SMC1A: variants seen among roughly 807,000 people sequenced by gnomAD.
SMC1A encodes structural maintenance of chromosomes 1A.
SMC1A carries 4 observed loss-of-function variants against 94.5 expected under a neutral mutation model. The ratio of observed to expected loss-of-function variants is 0.04; its 90% CI spans 0.02 to 0.10. SMC1A has a LOEUF of 0.10. Ranked by LOEUF, SMC1A falls within the 10% of genes least tolerant of loss-of-function variation. The pLI, the probability that SMC1A is intolerant of heterozygous loss-of-function variation, is 1.00. For synonymous variants in SMC1A, 345 were observed against 347.7 expected, an observed-to-expected ratio of 0.99 and a Z score of 0.09; for missense variants, 304 against 989.0, an observed-to-expected ratio of 0.31 and a Z score of 9.29.
chrX:53,401,648 G>A (rs1024302116), intron 15 of SMC1A, among the ~76,000 whole-genome samples: 1 of 110,863 alleles, frequency 9.0e-6, no homozygotes, highest in Non-Finnish European at 1.9e-5. Flanking sequence ...GAATGACACT[G>A]AATGTGTATC....
At chrX:53,422,471 C>T in intron 1 of SMC1A, 21 bp downstream of exon 1, 1 of 1,065,254 alleles carries the variant, frequency 9.4e-7, no homozygotes, top group Non-Finnish European at 1.3e-6. Context: ...GTGCGCAGGG[C>T]CGCGGCCAGG....
rs781957759 is a variant in SMC1A, at chrX:53,405,939, G to A, written c.1563C>T (p.Asp521=). The A allele has an allele frequency of 1.2e-5, 15 of 1,209,713 alleles. No homozygotes were observed. The highest frequency in any genetic ancestry group is 1.8e-5 in the South Asian group (1 of 56,809). ...YPGSVYGRLI[D]LCQPTQKKYQ... is the part of the protein sequence containing the mutation. ...ACTTCTTTTGTGTGGGCTGGCATAG[G>A]TCAATGAGGCGGCCGTACTGAGTAA... is the stretch of plus-strand genomic sequence containing the variant. Residue 521 remains aspartate, a synonymous_variant, in exon 10 of 25, where the codon GAC becomes GAT. Transcript: ENST00000322213.
Position 53,405,040 on chromosome X carries a change from T to C in SMC1A, c.2168A>G (p.Lys723Arg), listed in dbSNP as rs782408107. The C allele has an allele frequency of 8.3e-7, 1 of 1,202,768 alleles. No homozygotes were observed. The highest frequency in any genetic ancestry group is 1.8e-5 in the South Asian group (1 of 55,463). Residue 723 changes from lysine to arginine, a missense_variant, in exon 13 of 25, where the codon AAG becomes AGG. By Grantham distance (26) the Lys-to-Arg change is conservative. Coordinates refer to ENST00000322213, the MANE Select transcript of SMC1A (RefSeq NM_006306.4). ...CAGATTCAGGGCTAGATGTCGTGTC[T>C]TGGTCTGTTCTAGGTCACTCTGGGA... The part of the protein sequence containing the change: ...KYSQSDLEQT[K>R]TRHLALNLQE...
chrX:53,381,444 G>A (rs1429230363), intron 22 of SMC1A, among the ~76,000 whole-genome samples: 3 of 111,648 alleles, frequency 2.7e-5, no homozygotes, highest in Non-Finnish European at 5.6e-5. Flanking sequence ...GCTTTGTCAT[G>A]CCTCCTTGCC....
rs782671917 is a variant in SMC1A at position 53,405,287 on chromosome X, G to A, written c.2016C>T (p.Asp672=). Residue 672 remains aspartate (D), a synonymous_variant, in exon 12 of 25, where the codon GAC becomes GAT. Transcript: ENST00000322213. ...KARRWDEKAV[D]KLKEKKERLT... ...AGCGCTCCTTCTTCTCTTTCAACTT[G>A]TCTACTGCTTTCTCATCCCAGCGCC... 36 of 1,210,334 alleles carry A rather than the reference G, an allele frequency of 3.0e-5. No individual in the cohort carries two copies. The highest frequency in any genetic ancestry group is 3.8e-5 in the Non-Finnish European group (34 of 895,324).
At position 53,382,710 on chromosome X, in the gene SMC1A, C is replaced by T. The variant is rs1328025818; in HGVS notation, c.3131-50G>A. 4.2e-6 allele frequency: 5 copies of T among 1,178,514 alleles called. No individual in the cohort carries two copies. In the South Asian group the frequency reaches 5.4e-5, roughly 13 times the overall value. ...CCCTCAGTGCCCTGGCAAGAAGGAC[C>T]TGCAAATGACAATCCAGAGCAGGAA... On this transcript the variant is annotated intron_variant, in intron 20 of 24. Transcript: ENST00000322213.
chrX:53,416,634 C>T (rs1556891332), intron 1 of SMC1A, among the ~76,000 whole-genome samples: 1 of 110,711 alleles, frequency 9.0e-6, no homozygotes, highest in African/African-American at 3.3e-5. Context: ...TTGTGATTCG[C>T]CCACCTCGGC....
At chrX:53,382,986 TTAAG>T in intron 20 of SMC1A, 107 bp downstream of exon 20, 1 of 814,412 alleles carries the variant, frequency 1.2e-6, no homozygotes, top group Non-Finnish European at 1.8e-6. Context: ...CCTGAGAGTT[TTAAG>T]TAAGAAAACA....
chrX:53,381,062 G>A lies in SMC1A; in HGVS notation c.3463C>T (p.Leu1155=), dbSNP rs781977704. The change falls in exon 23 of 25, where the codon CTG becomes TTG. Residue 1155 remains leucine, a synonymous_variant. Coordinates refer to ENST00000322213, the MANE Select transcript of SMC1A (RefSeq NM_006306.4). ...TCCAAGGCAGCATCAATCTCATCCAGGACGAAGAAGGGGGCTGGCTTGTAG... is the reference window on the plus strand; with the variant it reads ...TCCAAGGCAGCATCAATCTCATCCAAGACGAAGAAGGGGGCTGGCTTGTAG... The part of the protein sequence containing the change: ...HSYKPAPFFV[L]DEIDAALDNT... 1.7e-6 allele frequency: 2 copies of A among 1,206,172 alleles called. No homozygotes were observed. The highest frequency in any genetic ancestry group is 4.4e-5 in the Admixed American group (2 of 45,587).
At position 53,396,595 on chromosome X, in the gene SMC1A, A is replaced by G. The variant is rs782302182; in HGVS notation, c.2585T>C (p.Ile862Thr). 1.7e-6 allele frequency: 2 copies of G among 1,209,525 alleles called. No individual in the cohort carries two copies. Among genetic ancestry groups the G allele is most frequent in the Non-Finnish European group, 2.2e-6 (2 of 895,196 alleles). Residue 862 changes from isoleucine (I) to threonine (T), a missense_variant, in exon 17 of 25, where the codon ATC becomes ACC. Physicochemically the swap from Ile to Thr is moderately conservative, Grantham distance 89. Transcript: ENST00000322213. ...TAGCTGAGCCATGGTCTCATCTATG[A>G]TCTTCATGTGTCTTTGTTCCTCCTG... is the stretch of plus-strand genomic sequence containing the variant. ...LKKEEQRHMK[I>T]IDETMAQLQD... is the part of the protein sequence containing the mutation.
intron 22 of SMC1A, chrX:53,381,880 G>GCAT: frequency 3.2e-6 from 1 of 312,326 alleles, no homozygotes; most frequent in Non-Finnish European, 5.8e-6. Context: ...GATCAAGGAG[G>GCAT]GCTTCCTAAA....
intron 16 of SMC1A, among the ~76,000 whole-genome samples, chrX:53,396,999 T>C (rs1347128772): frequency 9.0e-6 from 1 of 111,585 alleles, no homozygotes; most frequent in Non-Finnish European, 1.9e-5. Context: ...CTTAATGTTA[T>C]ATTTGAGCAT....
intron 18 of SMC1A, 27 bp from the exon 19 acceptor site, chrX:53,394,915 G>A: frequency 1.1e-6 from 1 of 931,271 alleles, no homozygotes; most frequent in Non-Finnish European, 1.6e-6. Flanking sequence ...GAGTCAAGTG[G>A]AGCAGACTGG....
At chrX:53,401,135 AC>A in intron 15 of SMC1A, among the ~76,000 whole-genome samples, 1 of 110,415 alleles carries the variant, frequency 9.1e-6, no homozygotes, top group East Asian at 2.9e-4. Context: ...TCCAGTCATC[AC>A]TCCCTGTTTT....
At chrX:53,415,804 G>A (rs1476503921) in intron 1 of SMC1A, among the ~76,000 whole-genome samples, 2 of 96,767 alleles carry the variant, frequency 2.1e-5, no homozygotes, top group African/African-American at 3.9e-5. Flanking sequence ...CTGCACTCCA[G>A]CCTGGGTGAC....
intron 18 of SMC1A, 135 bp downstream of exon 18, chrX:53,396,092 T>C: frequency 2.6e-6 from 2 of 758,163 alleles, no homozygotes; most frequent in Admixed American, 2.2e-5. Context: ...TCATTTCTGC[T>C]GCATCCCTTT....
intron 16 of SMC1A, 77 bp downstream of exon 16, chrX:53,399,512 T>C: frequency 2.0e-6 from 2 of 996,465 alleles, no homozygotes; most frequent in Non-Finnish European, 2.8e-6. Flanking sequence ...TTGTGGACAT[T>C]ATCCTTCTGT....
chrX:53,382,557 A>T lies in SMC1A; in HGVS notation c.3234T>A (p.Ala1078=), dbSNP rs782339534. The T allele has an allele frequency of 9.1e-6, 11 of 1,209,564 alleles. No homozygotes were observed. In the East Asian group the frequency reaches 3.3e-4, roughly 36 times the overall value. The change falls in exon 21 of 25, where the codon GCT becomes GCA. Residue 1078 remains alanine, a synonymous_variant. Transcript: ENST00000322213. ...DRFNACFESV[A]TNIDEIYKAL... ...CCTTATAGATCTCATCAATGTTGGT[A>T]GCCACAGATTCAAAACAAGCATTGA...
chrX:53,410,356 C>T (rs887511828), intron 7 of SMC1A, among the ~76,000 whole-genome samples: 8 of 109,413 alleles, frequency 7.3e-5, no homozygotes, highest in African/African-American at 2.0e-4. Context: ...ATTAGGAGGC[C>T]GAGGCGGGCG....
Sources: allele counts gnomAD v4.1 joint callset (sites outside exome capture counted in the v4.1 genomes callset), GRCh38; gene constraint gnomAD v4.1.1; transcripts MANE v1.5; gene names NCBI Gene and HGNC (gene_info 2026-07-23, HGNC 2026-07-21).